The following L3MBTL3 variants were observed in gnomAD, a reference collection of about 807,000 sequenced individuals.
L3MBTL3 encodes L3MBTL histone methyl-lysine binding protein 3.
In L3MBTL3, 27 loss-of-function variants were observed where a neutral mutation model predicts 102.3. The observed-to-expected ratio is 0.26, with a 90% confidence interval of 0.19 to 0.36. The LOEUF is 0.36. Among genes scored for constraint, L3MBTL3 ranks in the 10% least tolerant of loss-of-function variants. The probability of loss-of-function intolerance (pLI) is 1.00; values close to 1 mark genes in which losing one functional copy is unlikely to be tolerated. For missense variants in L3MBTL3, 798 were observed against 955.3 expected (o/e 0.84, Z 2.17); for synonymous variants, 340 against 320.9 (o/e 1.06, Z -0.64).
At chr6:130,136,080 A>G (rs1254940589) in intron 22 of L3MBTL3, among the ~76,000 whole-genome samples, 1 of 150,410 alleles carries the variant, frequency 6.6e-6, no homozygotes, top group African/African-American at 2.5e-5. Context: ...TAAAACCCTT[A>G]TCACCCTACT....
intron 2 of L3MBTL3, among the ~76,000 whole-genome samples, chr6:130,039,750 CTTTAATGTCTAATT>C (rs1197436208): frequency 6.6e-6 from 1 of 152,090 alleles, no homozygotes; most frequent in Non-Finnish European, 1.5e-5. Flanking sequence ...TTGCAAATCT[CTTTAATGTCTAATT>C]TAATAGAAGA....
chr6:130,041,892 T>A (rs1780441860), intron 2 of L3MBTL3, among the ~76,000 whole-genome samples: 1 of 152,224 alleles, frequency 6.6e-6, no homozygotes, highest in African/African-American at 2.4e-5. Flanking sequence ...GCTAGACTGC[T>A]CATTACTGTT....
intron 22 of L3MBTL3, among the ~76,000 whole-genome samples, chr6:130,134,919 G>C (rs899494501): frequency 6.6e-6 from 1 of 152,120 alleles, no homozygotes; most frequent in Non-Finnish European, 1.5e-5. Context: ...ACAAGGATCT[G>C]ATTTCCAACA....
At chr6:130,117,975 T>G (rs763577555) in intron 19 of L3MBTL3, among the ~76,000 whole-genome samples, 4 of 147,724 alleles carry the variant, frequency 2.7e-5, no homozygotes, top group Non-Finnish European at 5.9e-5. Context: ...TCTCCCAAAG[T>G]GTTGTTATTA....
At chr6:130,062,438 G>A (rs1442825187) in intron 10 of L3MBTL3, among the ~76,000 whole-genome samples, 1 of 151,118 alleles carries the variant, frequency 6.6e-6, no homozygotes, top group African/African-American at 2.4e-5. Context: ...AGGCTGGAGT[G>A]CAGTGACGTG....
intron 5 of L3MBTL3, 65 bp from the exon 6 acceptor site, chr6:130,051,184 T>G: frequency 1.5e-6 from 2 of 1,348,598 alleles, no homozygotes; most frequent in Non-Finnish European, 2.1e-6. Flanking sequence ...AAGAAAAAGT[T>G]TGATTGTATT....
Position 130,140,934 on chromosome 6 carries a change from T to C in L3MBTL3, c.*1181T>C, listed in dbSNP as rs1204209642. The C allele has an allele frequency of 6.5e-6, 1 of 152,676 alleles. No individual in the cohort carries two copies. Among genetic ancestry groups the C allele is most frequent in the Non-Finnish European group, 1.5e-5 (1 of 68,042 alleles). 9.5% of individuals were successfully genotyped at this position (152,676 alleles called of 1,614,324 possible). A position where few individuals can be genotyped will look rare whatever the true frequency, so the allele number is the denominator to read the frequency against. On this transcript the variant is annotated 3_prime_UTR_variant, in exon 23 of 23. Coordinates refer to ENST00000361794, the MANE Select transcript of L3MBTL3 (RefSeq NM_032438.4). ...TCCGTTTTGGAAGGATTCCTTTTTC[T>C]GTAGAATACTTTGCCTCGATATATA...
In L3MBTL3 at chr6:130,090,367, T is replaced by G. The variant is rs182348897; in HGVS notation, c.1519-2378T>G. Among the ~76,000 whole-genome samples the G allele has an allele frequency of 1.0e-3, 157 of 152,318 alleles. 2 individuals carry two copies. The highest frequency in any genetic ancestry group is 2.4e-3 in the Admixed American group (36 of 15,294). On this transcript the variant is annotated intron_variant, in intron 16 of 22. Transcript: ENST00000361794. Reference sequence around the variant, plus strand: ...GTCAAAATTAATGTCGTTTAAGTGCTCGACTGTTATTACCAAATAGCTTTC... The same window carrying G: ...GTCAAAATTAATGTCGTTTAAGTGCGCGACTGTTATTACCAAATAGCTTTC...
intron 2 of L3MBTL3, among the ~76,000 whole-genome samples, chr6:130,039,829 A>G (rs1049138184): frequency 2.6e-5 from 4 of 152,210 alleles, no homozygotes; most frequent in African/African-American, 9.6e-5. Flanking sequence ...TGCTTGAAGT[A>G]TATGAAGAAA....
chr6:130,065,191 C>A (rs1782167858), intron 10 of L3MBTL3, among the ~76,000 whole-genome samples: 1 of 151,982 alleles, frequency 6.6e-6, no homozygotes, highest in Admixed American at 6.6e-5. Flanking sequence ...TCCATCATTC[C>A]CATTTTGCCC....
At chr6:130,099,561 T>C (rs1179891472) in intron 18 of L3MBTL3, among the ~76,000 whole-genome samples, 1 of 152,192 alleles carries the variant, frequency 6.6e-6, no homozygotes, top group Non-Finnish European at 1.5e-5. Flanking sequence ...ATGATGCAGA[T>C]CACATATGTC....
At chr6:130,101,001 A>C (rs1028017171) in intron 18 of L3MBTL3, among the ~76,000 whole-genome samples, 1 of 152,232 alleles carries the variant, frequency 6.6e-6, no homozygotes, top group Non-Finnish European at 1.5e-5. Flanking sequence ...ATAACAATGA[A>C]TGAAATGCTG....
intron 16 of L3MBTL3, among the ~76,000 whole-genome samples, chr6:130,090,645 G>C (rs1353616680): frequency 1.3e-5 from 2 of 152,062 alleles, no homozygotes; most frequent in Non-Finnish European, 2.9e-5. Context: ...GCCTAGGCTG[G>C]AGTGCAGTGA....
intron 16 of L3MBTL3, 70 bp from the exon 17 acceptor site, chr6:130,092,675 G>A (rs1325168529): frequency 1.1e-6 from 1 of 878,000 alleles, no homozygotes; most frequent in Non-Finnish European, 1.9e-6. Flanking sequence ...TGGTTATGCT[G>A]TGGGCAGAAC....
At chr6:130,031,394 A>C (rs376263565) in intron 2 of L3MBTL3, among the ~76,000 whole-genome samples, 3 of 152,194 alleles carry the variant, frequency 2.0e-5, no homozygotes, top group African/African-American at 7.2e-5. Context: ...GATTCCATGG[A>C]ACTTGATGTG....
intron 18 of L3MBTL3, among the ~76,000 whole-genome samples, chr6:130,101,836 A>C (rs960608552): frequency 3.7e-4 from 56 of 152,312 alleles, no homozygotes; most frequent in African/African-American, 1.3e-3. Context: ...TGAACTCTGA[A>C]TTAGGATCCC....
chr6:130,102,228 G>A (rs1784738023), intron 18 of L3MBTL3, among the ~76,000 whole-genome samples: 1 of 152,018 alleles, frequency 6.6e-6, no homozygotes, highest in South Asian at 2.1e-4. Flanking sequence ...GGATGACAAA[G>A]GATACTGTGA....
intron 7 of L3MBTL3, 85 bp from the exon 8 acceptor site, chr6:130,055,086 A>G: frequency 2.1e-6 from 2 of 943,508 alleles, no homozygotes; most frequent in Non-Finnish European, 3.4e-6. Context: ...GAACAACAGA[A>G]AAAGTGCTTT....
Position 130,120,968 on chromosome 6 carries a change from A to G in L3MBTL3, c.1966+10A>G, listed in dbSNP as rs190292151. 264 of 1,561,050 alleles carry G rather than the reference A, an allele frequency of 1.7e-4. 1 individual carries two copies. The African/African-American group carries it at 2.9e-3, about 17-fold the overall frequency. On this transcript the variant is annotated intron_variant, in intron 20 of 22. Transcript: ENST00000361794. The stretch of plus-strand genomic sequence containing the variant: ...TCACATGAAGCCAGAGGTAGCCATA[A>G]TAATTCTCATATTACTAATGTGTAT...
Sources: gnomAD v4.1 joint callset for allele counts (sites outside exome capture counted in the v4.1 genomes callset) on GRCh38, gnomAD v4.1.1 for gene constraint, MANE v1.5 for transcripts, NCBI Gene and HGNC (gene_info 2026-07-23, HGNC 2026-07-21) for gene names.